NR2C1: variants seen among roughly 807,000 people sequenced by gnomAD.
NR2C1 encodes the protein nuclear receptor subfamily 2 group C member 1, also known as TR2 nuclear hormone receptor.
NR2C1 carries 33 observed loss-of-function variants against 74.8 expected under a neutral mutation model. The observed-to-expected ratio is 0.44, with a 90% confidence interval of 0.33 to 0.59. The LOEUF (loss-of-function observed/expected upper bound fraction) is 0.59. Among genes scored for constraint, NR2C1 ranks in the 20% least tolerant of loss-of-function variants. NR2C1 has a pLI of 0.02. For missense variants in NR2C1, 568 were observed against 715.6 expected (o/e 0.79, Z 2.35); for synonymous variants, 225 against 240.6 (o/e 0.94, Z 0.60).
At chr12:95,051,429 T>C (rs1872990811) in intron 8 of NR2C1, among the ~76,000 whole-genome samples, 1 of 152,200 alleles carries the variant, frequency 6.6e-6, no homozygotes, top group Non-Finnish European at 1.5e-5. Flanking sequence ...CAATGGCAAG[T>C]TCCCCCGATT....
chr12:95,045,819 T>C (rs529996495), intron 9 of NR2C1, among the ~76,000 whole-genome samples: 17 of 152,188 alleles, frequency 1.1e-4, no homozygotes, highest in African/African-American at 3.9e-4. Flanking sequence ...ATACCAAAAA[T>C]TATGAAGTTT....
intron 1 of NR2C1, among the ~76,000 whole-genome samples, chr12:95,070,132 T>C (rs1399018984): frequency 1.3e-5 from 2 of 152,142 alleles, no homozygotes; most frequent in East Asian, 3.9e-4. Flanking sequence ...TTTTTTGTTT[T>C]TTGTTTTTTG....
intron 4 of NR2C1, among the ~76,000 whole-genome samples, chr12:95,059,147 C>T (rs1297403115): frequency 6.6e-6 from 1 of 151,002 alleles, no homozygotes; most frequent in African/African-American, 2.4e-5. Context: ...ACTGAAAATA[C>T]AAAAATTAGC....
At position 95,057,795 on chromosome 12, in the gene NR2C1, G is replaced by C. The variant is rs1234962377; in HGVS notation, c.628C>G (p.Arg210Gly). The C allele has an allele frequency of 1.2e-6, 2 of 1,613,966 alleles. No homozygotes were observed. The highest frequency in any genetic ancestry group is 1.7e-6 in the Non-Finnish European group (2 of 1,179,970). Residue 210 changes from arginine to glycine, a missense_variant, in exon 6 of 14, where the codon CGA becomes GGA. By Grantham distance (125) the Arg-to-Gly change is moderately radical. Coordinates refer to ENST00000333003, the MANE Select transcript of NR2C1 (RefSeq NM_003297.4). ...GTTAATGGGCTACGAAGGTCCTTTC[G>C]GATATAGATTTTTTCTGTTGAAGCG... ...CAASTEKIYIRKDLRSPLTAT... is the reference protein window; with the variant it reads ...CAASTEKIYIGKDLRSPLTAT...
intron 4 of NR2C1, among the ~76,000 whole-genome samples, chr12:95,059,704 A>G (rs952291377): frequency 1.3e-5 from 2 of 152,152 alleles, no homozygotes; most frequent in Non-Finnish European, 2.9e-5. Context: ...GTGAGACTCT[A>G]TATCACAAAC....
chr12:95,064,045 A>G (rs1380443674), intron 2 of NR2C1, among the ~76,000 whole-genome samples: 19 of 141,662 alleles, frequency 1.3e-4, no homozygotes, highest in African/African-American at 2.7e-4. Context: ...AAAAAAAAAA[A>G]GGGGATGGAC....
intron 4 of NR2C1, 52 bp from the exon 5 acceptor site, chr12:95,058,541 A>C: frequency 6.9e-7 from 1 of 1,450,804 alleles, no homozygotes; most frequent in Non-Finnish European, 9.5e-7. Flanking sequence ...TTCAGAACAG[A>C]AATGACATAA....
At chr12:95,052,011 A>G in intron 7 of NR2C1, 68 bp from the exon 8 acceptor site, 1 of 1,036,454 alleles carries the variant, frequency 9.6e-7, no homozygotes, top group Non-Finnish European at 1.4e-6. Flanking sequence ...GAAATATCCA[A>G]TTATAGATTA....
chr12:95,049,028 GCAACA>G, intron 9 of NR2C1, 35 bp downstream of exon 9: 1 of 1,553,074 alleles, frequency 6.4e-7, no homozygotes, highest in East Asian at 2.3e-5. Flanking sequence ...TCAAAATCAA[GCAACA>G]CAACATACAA....
In NR2C1 at chr12:95,049,264, G is replaced by T; in HGVS notation, c.966-31C>A. The T allele has an allele frequency of 1.9e-6, 3 of 1,582,244 alleles. No individual in the cohort carries two copies. The South Asian group carries it at 3.5e-5, about 18-fold the overall frequency. On this transcript the variant is annotated intron_variant, in intron 8 of 13. Coordinates refer to ENST00000333003, the MANE Select transcript of NR2C1 (RefSeq NM_003297.4). Reference sequence around the variant, plus strand: ...TGAAGACATCAGAAGCTATGAGCTTGACCAAACACCGCAATAAAATAACAA... The same window carrying T: ...TGAAGACATCAGAAGCTATGAGCTTTACCAAACACCGCAATAAAATAACAA...
chr12:95,036,597 G>A (rs146412024), intron 10 of NR2C1, among the ~76,000 whole-genome samples: 6,748 of 150,054 alleles, frequency 0.045, 207 homozygotes, highest in Middle Eastern at 0.096. Flanking sequence ...TACAACCTCC[G>A]TCTCCTGGAT....
intron 12 of NR2C1, among the ~76,000 whole-genome samples, chr12:95,025,747 T>C (rs922069633): frequency 4.6e-5 from 7 of 150,778 alleles, no homozygotes; most frequent in African/African-American, 1.7e-4. Flanking sequence ...CACTATATTT[T>C]ACATATTTAA....
chr12:95,039,965 C>T (rs1475787545), intron 10 of NR2C1, among the ~76,000 whole-genome samples: 1 of 152,054 alleles, frequency 6.6e-6, no homozygotes, highest in African/African-American at 2.4e-5. Context: ...AGTGGTAAGA[C>T]TAACCCTCTA....
rs772610264 is a variant in NR2C1, at chr12:95,022,423, A to C, written c.1638-20T>G. On this transcript the variant is annotated intron_variant, in intron 13 of 13. Coordinates refer to ENST00000333003, the MANE Select transcript of NR2C1 (RefSeq NM_003297.4). ...GATAACCTAAAAAAAGAAAGAAAAA[A>C]GGGAGAGGAACAAGGTTGTAAACCA... The C allele has an allele frequency of 1.3e-6, 2 of 1,584,994 alleles. No homozygotes were observed. Among genetic ancestry groups the C allele is most frequent in the Admixed American group, 1.9e-5 (1 of 53,822 alleles).
At chr12:95,044,629 A>T (rs909888549) in intron 9 of NR2C1, among the ~76,000 whole-genome samples, 5 of 152,082 alleles carry the variant, frequency 3.3e-5, no homozygotes, top group Non-Finnish European at 7.3e-5. Context: ...TCACGCTTAT[A>T]ATCCCAGCAC....
intron 10 of NR2C1, among the ~76,000 whole-genome samples, chr12:95,035,223 A>T (rs576075761): frequency 6.6e-6 from 1 of 152,318 alleles, no homozygotes; most frequent in East Asian, 1.9e-4. Context: ...TAAGTATCTC[A>T]CAGAAACATT....
At chr12:95,028,606 A>C (rs76828837) in intron 11 of NR2C1, 82 bp from the exon 12 acceptor site, 48,443 of 1,045,528 alleles carry the variant, frequency 0.046, 1,516 homozygotes, top group Middle Eastern at 0.12. Flanking sequence ...CCCTCTCAGG[A>C]ATTTTGAAAA....
chr12:95,049,756 C>A (rs2033089), intron 8 of NR2C1, among the ~76,000 whole-genome samples: 11,111 of 152,052 alleles, frequency 0.073, 499 homozygotes, highest in East Asian at 0.15. Context: ...ATACACAGTA[C>A]AATAGGTCTT....
intron 7 of NR2C1, among the ~76,000 whole-genome samples, chr12:95,052,593 C>G (rs1021379743): frequency 1.3e-5 from 2 of 151,914 alleles, no homozygotes; most frequent in Non-Finnish European, 2.9e-5. Context: ...GCAGCTGATC[C>G]TACAGGTGTG....
Sources: allele counts gnomAD v4.1 joint callset (sites outside exome capture counted in the v4.1 genomes callset), GRCh38; gene constraint gnomAD v4.1.1; transcripts MANE v1.5; gene names NCBI Gene and HGNC (gene_info 2026-07-23, HGNC 2026-07-21).